The following FRS2 variants were observed in gnomAD, a reference collection of about 807,000 sequenced individuals.
FRS2 encodes the protein fibroblast growth factor receptor substrate 2.
Under a neutral mutation model 43.9 loss-of-function variants are expected in FRS2, and 8 were observed. That is an observed-to-expected ratio of 0.18 (90% CI 0.11 to 0.33). The LOEUF is 0.33. Ranked by LOEUF, FRS2 falls within the 10% of genes least tolerant of loss-of-function variation. FRS2 has a pLI of 1.00. For synonymous variants in FRS2, 219 were observed against 220.3 expected (o/e 0.99, Z 0.05); for missense variants, 534 against 627.6 (o/e 0.85, Z 1.59).
chr12:69,497,903 T>C (rs1211006855), intron 1 of FRS2, among the ~76,000 whole-genome samples: 1 of 152,226 alleles, frequency 6.6e-6, no homozygotes, highest in East Asian at 1.9e-4. Flanking sequence ...GTAAGTCTGC[T>C]GTGTTCCACT....
chr12:69,522,359 A>G (rs1162815039), intron 1 of FRS2, among the ~76,000 whole-genome samples: 1 of 151,398 alleles, frequency 6.6e-6, no homozygotes, highest in Non-Finnish European at 1.5e-5. Flanking sequence ...TCTTTTATTC[A>G]TTTCTTCTAG....
Position 69,502,659 on chromosome 12 carries a change from C to T in FRS2, c.-260-28206C>T, listed in dbSNP as rs1049657305. Among the ~76,000 whole-genome samples, 3 of 152,084 alleles carry T rather than the reference C, an allele frequency of 2.0e-5. No homozygotes were observed. In the South Asian group the frequency reaches 6.2e-4, roughly 32 times the overall value. On this transcript the variant is annotated intron_variant, in intron 1 of 8. Coordinates refer to ENST00000549921, the MANE Select transcript of FRS2 (RefSeq NM_001278356.2). ...AGACATAATCTCTGTACGGATGGAGCTTTCATTATGATAAGTGAGAGGAGC... is the reference window on the plus strand; with the variant it reads ...AGACATAATCTCTGTACGGATGGAGTTTTCATTATGATAAGTGAGAGGAGC...
chr12:69,525,535 T>C (rs1185050233), intron 1 of FRS2, among the ~76,000 whole-genome samples: 3 of 152,208 alleles, frequency 2.0e-5, no homozygotes, highest in Non-Finnish European at 4.4e-5. Flanking sequence ...TAATTCTAGG[T>C]CTGCACACGG....
chr12:69,534,795 T>C (rs1037968303), intron 3 of FRS2, among the ~76,000 whole-genome samples: 4 of 152,194 alleles, frequency 2.6e-5, no homozygotes, highest in Admixed American at 2.0e-4. Flanking sequence ...GCTTACAGTT[T>C]AGATGAAAAA....
intron 1 of FRS2, among the ~76,000 whole-genome samples, chr12:69,519,207 T>G (rs1472361292): frequency 1.3e-5 from 2 of 152,148 alleles, no homozygotes; most frequent in Admixed American, 6.5e-5. Flanking sequence ...CTGAGGTGTT[T>G]TGGTATTCAT....
intron 1 of FRS2, among the ~76,000 whole-genome samples, chr12:69,482,595 G>T (rs922362643): frequency 6.6e-6 from 1 of 152,196 alleles, no homozygotes; most frequent in African/African-American, 2.4e-5. Context: ...TGTGATTGCT[G>T]TCATGGAGCA....
In FRS2 at chr12:69,557,594, T is replaced by TTTTG. The variant is rs58679577; in HGVS notation, c.-121-4585_-121-4584insTTGT. Among the ~76,000 whole-genome samples the TTTTG allele has an allele frequency of 4.9e-3, 672 of 137,020 alleles. 2 individuals are homozygous for TTTTG. The highest frequency in any genetic ancestry group is 0.013 in the African/African-American group (491 of 36,510). The allele number at this position is 137,020 out of a possible 152,430, so 89.9% of individuals were successfully genotyped here. ...TTTCTTTGAGAGTTCTGAAGGTTGA[T>TTTTG]TGTGTGTGTGTGTGTGTGTGTGTGT... On this transcript the variant is annotated intron_variant, in intron 3 of 8. Coordinates refer to ENST00000549921, the MANE Select transcript of FRS2 (RefSeq NM_001278356.2).
At chr12:69,557,620 G>GTGTGTGTGTGTGCGCA (rs1555192515) in intron 3 of FRS2, among the ~76,000 whole-genome samples, 9 of 57,078 alleles carry the variant, frequency 1.6e-4, no homozygotes, top group Admixed American at 1.4e-3. Context: ...GTGTGTGTGT[G>GTGTGTGTGTGTGCGCA]CGCGCGCGCG....
At chr12:69,529,644 A>C (rs1031128906) in intron 1 of FRS2, among the ~76,000 whole-genome samples, 5 of 151,844 alleles carry the variant, frequency 3.3e-5, no homozygotes, top group Admixed American at 6.6e-5. Flanking sequence ...TAAATAAATA[A>C]ATAAATAGTA....
chr12:69,495,275 A>C (rs1872777496), intron 1 of FRS2, among the ~76,000 whole-genome samples: 1 of 152,254 alleles, frequency 6.6e-6, no homozygotes, highest in African/African-American at 2.4e-5. Flanking sequence ...ATACTTGCTA[A>C]GTATTACAGT....
At chr12:69,536,101 C>CCTTTTTTTT (rs1877251782) in intron 3 of FRS2, among the ~76,000 whole-genome samples, 15 of 37,174 alleles carry the variant, frequency 4.0e-4, no homozygotes, top group African/African-American at 1.3e-3. Flanking sequence ...TATTTTCATT[C>CCTTTTTTTT]TTTTTTTTTT....
rs71094722 is a variant in FRS2 at position 69,547,830 on chromosome 12, C to CTTTTTTTTTTTTTT, written c.-121-14337_-121-14324dup. Reference sequence around the variant, plus strand: ...TTTTAGAAAAATGTATCCATTAATACTTTTTTTTTTTTTTTTTTTTTTTTT... The same window carrying CTTTTTTTTTTTTTT: ...TTTTAGAAAAATGTATCCATTAATACTTTTTTTTTTTTTTTTTTTTTTTTTTTTTTTTTTTTTTT... On this transcript the variant is annotated intron_variant, in intron 3 of 8. Transcript: ENST00000549921. Among the ~76,000 whole-genome samples, 4 of 102,724 alleles carry CTTTTTTTTTTTTTT rather than the reference C, an allele frequency of 3.9e-5. 1 individual carries two copies. Among genetic ancestry groups the CTTTTTTTTTTTTTT allele is most frequent in the African/African-American group, 1.4e-4 (4 of 27,808 alleles). 67.4% of individuals were successfully genotyped at this position (102,724 alleles called of 152,430 possible). A position where few individuals can be genotyped will look rare whatever the true frequency, so the allele number is the denominator to read the frequency against.
At chr12:69,500,664 G>A (rs1328160645) in intron 1 of FRS2, among the ~76,000 whole-genome samples, 2 of 152,110 alleles carry the variant, frequency 1.3e-5, no homozygotes, top group South Asian at 2.1e-4. Flanking sequence ...AGGCTTAAAC[G>A]TGAATTAGAC....
intron 4 of FRS2, among the ~76,000 whole-genome samples, chr12:69,566,630 A>AT (rs1880321097): frequency 6.6e-6 from 1 of 151,334 alleles, no homozygotes; most frequent in African/African-American, 2.4e-5. Flanking sequence ...AAAAAAAAGA[A>AT]TATGTGCCAT....
At chr12:69,515,769 C>CTT (rs60246184) in intron 1 of FRS2, among the ~76,000 whole-genome samples, 7 of 138,398 alleles carry the variant, frequency 5.1e-5, no homozygotes, top group African/African-American at 1.1e-4. Flanking sequence ...TCATTGAGGT[C>CTT]TTTTTTTTTT....
chr12:69,555,234 G>T (rs1156872217), intron 3 of FRS2, among the ~76,000 whole-genome samples: 1 of 151,504 alleles, frequency 6.6e-6, no homozygotes, highest in African/African-American at 2.4e-5. Context: ...TAGTAGAGAT[G>T]GGGGTTTCAT....
chr12:69,498,736 A>C (rs934423837), intron 1 of FRS2, among the ~76,000 whole-genome samples: 6 of 152,102 alleles, frequency 3.9e-5, no homozygotes, highest in Non-Finnish European at 7.4e-5. Flanking sequence ...TGGAGCTTGA[A>C]GAAGTGGAGG....
rs1255048236 is a variant in FRS2, at chr12:69,575,752, C to T, written c.*797C>T. The T allele has an allele frequency of 3.9e-5, 6 of 152,732 alleles. No individual in the cohort carries two copies. The highest frequency in any genetic ancestry group is 1.2e-4 in the African/African-American group (5 of 41,564). The allele number at this position is 152,732 out of a possible 1,614,324, so 9.5% of individuals were successfully genotyped here. A position where few individuals can be genotyped will look rare whatever the true frequency, so the allele number is the denominator to read the frequency against. On this transcript the variant is annotated 3_prime_UTR_variant, in exon 9 of 9. Coordinates refer to ENST00000549921, the MANE Select transcript of FRS2 (RefSeq NM_001278356.2). ...TTTTTCTCCTATAGATTGTTGACAA[C>T]ACATTGTTTTCTGGAGGCATTTGTG...
intron 2 of FRS2, among the ~76,000 whole-genome samples, chr12:69,531,693 T>G (rs1277719648): frequency 6.6e-6 from 1 of 151,506 alleles, no homozygotes; most frequent in African/African-American, 2.4e-5. Flanking sequence ...CTTCAGAACA[T>G]CAAGTCTTAG....
Sources: allele counts gnomAD v4.1 joint callset (sites outside exome capture counted in the v4.1 genomes callset), GRCh38; gene constraint gnomAD v4.1.1; transcripts MANE v1.5; gene names NCBI Gene and HGNC (gene_info 2026-07-23, HGNC 2026-07-21).